SNX29: variants seen among roughly 807,000 people sequenced by gnomAD.
SNX29 encodes sorting nexin-29.
Under a neutral mutation model 102.1 loss-of-function variants are expected in SNX29, and 78 were observed. The ratio of observed to expected loss-of-function variants is 0.76; its 90% CI spans 0.64 to 0.92. The LOEUF is 0.92. SNX29 is among the 40% of genes least tolerant of loss of function. The pLI is 0.00. For missense variants in SNX29, 1,280 were observed against 1,061.7 expected (o/e 1.21, Z -2.86); for synonymous variants, 580 against 414.5 (o/e 1.40, Z -4.85).
intron 13 of SNX29, among the ~76,000 whole-genome samples, chr16:12,139,382 T>C (rs1173007396): frequency 6.6e-6 from 1 of 152,092 alleles, no homozygotes; most frequent in Non-Finnish European, 1.5e-5. Context: ...TTTTAGACTG[T>C]GCGATCCATG....
At chr16:12,199,030 G>A (rs1372181865) in intron 13 of SNX29, among the ~76,000 whole-genome samples, 1 of 152,134 alleles carries the variant, frequency 6.6e-6, no homozygotes, top group African/African-American at 2.4e-5. Flanking sequence ...ATCTTACATG[G>A]GGGTGGATGT....
At chr16:11,993,015 A>AT (rs1198256375) in intron 1 of SNX29, among the ~76,000 whole-genome samples, 1 of 151,978 alleles carries the variant, frequency 6.6e-6, no homozygotes, top group African/African-American at 2.4e-5. Flanking sequence ...TACAAAAAAA[A>AT]TTAGCCAAGC....
At chr16:11,984,343 G>A (rs1814167567) in intron 1 of SNX29, among the ~76,000 whole-genome samples, 1 of 147,686 alleles carries the variant, frequency 6.8e-6, no homozygotes, top group Non-Finnish European at 1.5e-5. Flanking sequence ...TCCAGCCTGG[G>A]TGACAGAGCC....
chr16:12,465,142 G>C (rs1439265629), intron 18 of SNX29, among the ~76,000 whole-genome samples: 2 of 152,154 alleles, frequency 1.3e-5, no homozygotes, highest in Non-Finnish European at 1.5e-5. Context: ...TATCAGATAT[G>C]GGGGTTGCAA....
intron 18 of SNX29, among the ~76,000 whole-genome samples, chr16:12,469,300 TAATTCA>T (rs2087224059): frequency 6.6e-6 from 1 of 152,226 alleles, no homozygotes; most frequent in Non-Finnish European, 1.5e-5. Flanking sequence ...GGCCATACAA[TAATTCA>T]GGCATTTTGT....
chr16:12,476,367 AAAAAAAAAAAAAAAAAATATATATAT>A (rs2087598700), intron 18 of SNX29, among the ~76,000 whole-genome samples: 1 of 23,544 alleles, frequency 4.2e-5, no homozygotes, highest in African/African-American at 1.5e-4. Flanking sequence ...AAAAAAAAAA[AAAAAAAAAAAAAAAAAATATATATAT>A]ATATATATAT....
At chr16:12,164,154 G>A (rs542459811) in intron 13 of SNX29, among the ~76,000 whole-genome samples, 1 of 152,276 alleles carries the variant, frequency 6.6e-6, no homozygotes, top group South Asian at 2.1e-4. Flanking sequence ...CTCTCCCAGT[G>A]TCTGGGGGAA....
chr16:12,142,549 C>A (rs930774608), intron 13 of SNX29, among the ~76,000 whole-genome samples: 48 of 151,966 alleles, frequency 3.2e-4, no homozygotes, highest in African/African-American at 1.1e-3. Flanking sequence ...TCAAGATGAA[C>A]GATTGATATT....
chr16:12,226,869 C>T (rs1401619411), intron 14 of SNX29, among the ~76,000 whole-genome samples: 1 of 152,200 alleles, frequency 6.6e-6, no homozygotes, highest in African/African-American at 2.4e-5. Context: ...TGAGCCACCA[C>T]GCCCCACTGA....
intron 18 of SNX29, among the ~76,000 whole-genome samples, chr16:12,473,118 C>T (rs945557358): frequency 6.6e-6 from 1 of 152,040 alleles, no homozygotes; most frequent in Non-Finnish European, 1.5e-5. Flanking sequence ...ACAAACAAAA[C>T]AAAAAATTCT....
At chr16:12,533,516 C>T (rs1487589421) in intron 20 of SNX29, among the ~76,000 whole-genome samples, 3 of 152,282 alleles carry the variant, frequency 2.0e-5, no homozygotes, top group East Asian at 3.9e-4. Flanking sequence ...AGAGAGCAGC[C>T]CGTCAGCCAC....
At chr16:12,181,908 G>A (rs1008432040) in intron 13 of SNX29, among the ~76,000 whole-genome samples, 10 of 151,054 alleles carry the variant, frequency 6.6e-5, no homozygotes, top group African/African-American at 2.4e-4. Context: ...TCTGGAGACG[G>A]AGTCTCACTC....
intron 16 of SNX29, among the ~76,000 whole-genome samples, chr16:12,390,459 C>G (rs890867311): frequency 1.3e-5 from 2 of 152,274 alleles, no homozygotes; most frequent in Non-Finnish European, 2.9e-5. Context: ...TGGAGACTGT[C>G]TCTCCTGGTG....
rs555739563 is a variant in SNX29, at chr16:12,371,704, A to G, written c.1899+15425A>G. On this transcript the variant is annotated intron_variant, in intron 16 of 20. Coordinates refer to ENST00000566228, the MANE Select transcript of SNX29 (RefSeq NM_032167.5). ...CTGAGTGTGTGGGCCTCCTGTGGGA[A>G]TCGCCACACTGTCCTGTTAGAGCAA... Among the ~76,000 whole-genome samples the G allele has an allele frequency of 1.3e-3, 200 of 152,304 alleles. 1 individual carries two copies. Among genetic ancestry groups the G allele is most frequent in the Non-Finnish European group, 2.2e-3 (150 of 68,026 alleles).
chr16:12,420,730 C>T (rs867114857), intron 18 of SNX29, among the ~76,000 whole-genome samples: 2 of 152,152 alleles, frequency 1.3e-5, no homozygotes, highest in Admixed American at 6.5e-5. Context: ...CTACTGAGTA[C>T]TCAGTCAAGG....
At chr16:12,552,303 C>G (rs189727669) in intron 20 of SNX29, among the ~76,000 whole-genome samples, 3 of 152,162 alleles carry the variant, frequency 2.0e-5, no homozygotes, top group African/African-American at 4.8e-5. Context: ...GTTTCCTCTT[C>G]TAGAAGAGGT....
At chr16:12,129,858 A>G in intron 13 of SNX29, 100 bp downstream of exon 13, 1 of 1,395,342 alleles carries the variant, frequency 7.2e-7, no homozygotes, top group Non-Finnish European at 9.5e-7. Flanking sequence ...TAATCCCAGC[A>G]CTTTGGGAGG....
intron 15 of SNX29, among the ~76,000 whole-genome samples, chr16:12,307,655 T>C (rs918232912): frequency 6.6e-6 from 1 of 152,214 alleles, no homozygotes; most frequent in Non-Finnish European, 1.5e-5. Context: ...GGGTCATGAA[T>C]GGTCTTGGAT....
intron 13 of SNX29, among the ~76,000 whole-genome samples, chr16:12,148,253 C>G (rs1463299074): frequency 6.6e-6 from 1 of 152,182 alleles, no homozygotes; most frequent in Non-Finnish European, 1.5e-5. Context: ...ACCCATGGAG[C>G]TACAAAATGC....
Sources: gnomAD v4.1 joint callset for allele counts (sites outside exome capture counted in the v4.1 genomes callset) on GRCh38, gnomAD v4.1.1 for gene constraint, MANE v1.5 for transcripts, NCBI Gene and HGNC (gene_info 2026-07-23, HGNC 2026-07-21) for gene names.